Variants in CYFIP1 observed in about 807,000 individuals in gnomAD.
The protein encoded by CYFIP1 is cytoplasmic FMR1-interacting protein 1.
Under a neutral mutation model 163.5 loss-of-function variants are expected in CYFIP1, and 58 were observed. That is an observed-to-expected ratio of 0.35 (90% CI 0.29 to 0.44). The LOEUF (loss-of-function observed/expected upper bound fraction) is 0.44, where lower values mean the gene tolerates loss of function less well. CYFIP1 is among the 20% of genes least tolerant of loss of function. The pLI, the probability that CYFIP1 is intolerant of heterozygous loss-of-function variation, is 1.00. For synonymous variants in CYFIP1, 663 were observed against 660.7 expected, an observed-to-expected ratio of 1.00 and a Z score of -0.05; for missense variants, 1,338 against 1,653.8, an observed-to-expected ratio of 0.81 and a Z score of 3.31.
intron 1 of CYFIP1, 142 bp from the exon 2 acceptor site, chr15:22,947,433 C>G: frequency 1.7e-6 from 2 of 1,209,346 alleles, no homozygotes; most frequent in South Asian, 3.2e-5. Context: ...ATGATCAGTC[C>G]TTGGGAGTTG....
intron 1 of CYFIP1, among the ~76,000 whole-genome samples, chr15:22,979,254 G>T (rs968245719): frequency 2.0e-5 from 3 of 152,246 alleles, no homozygotes; most frequent in African/African-American, 4.8e-5. Context: ...CTGGCCACCC[G>T]CAGGGAAAAG....
rs142623074 is a variant in CYFIP1 at position 22,953,087 on chromosome 15, G to A, written c.-6-5796C>T. Among the ~76,000 whole-genome samples, 32 of 152,198 alleles carry A rather than the reference G, an allele frequency of 2.1e-4. 1 individual carries two copies. The highest frequency in any genetic ancestry group is 7.0e-4 in the African/African-American group (29 of 41,450). ...GCCCGCTTCCAAGGGCTCTCCGTCCGTGCATCTTCCATAGATGCGAATCTG... is the reference window on the plus strand; with the variant it reads ...GCCCGCTTCCAAGGGCTCTCCGTCCATGCATCTTCCATAGATGCGAATCTG... On this transcript the variant is annotated intron_variant, in intron 1 of 30. Coordinates refer to ENST00000617928, the MANE Select transcript of CYFIP1 (RefSeq NM_014608.6).
rs577286138 is a variant in CYFIP1, at chr15:22,911,736, A to T, written c.2082+443T>A. 2.6e-5 allele frequency among the ~76,000 whole-genome samples: 4 copies of T among 152,274 alleles called. No homozygotes were observed. In the South Asian group the frequency reaches 8.3e-4, roughly 32 times the overall value. On this transcript the variant is annotated intron_variant, in intron 18 of 30. Transcript: ENST00000617928. Reference sequence around the variant, plus strand: ...TGGTCTTTGTGAGAAGGCAGAGGAGATGATGTGTAGAATAAGGTTCATCTC... The same window carrying T: ...TGGTCTTTGTGAGAAGGCAGAGGAGTTGATGTGTAGAATAAGGTTCATCTC...
At chr15:22,964,349 T>TCACACA (rs1206406734) in intron 1 of CYFIP1, among the ~76,000 whole-genome samples, 453 of 39,480 alleles carry the variant, frequency 0.011, 1 homozygote, top group East Asian at 0.019. Context: ...CGCAACCTCA[T>TCACACA]CACTCACACA....
In CYFIP1 at chr15:22,872,915, C is replaced by T; in HGVS notation, c.3507G>A (p.Gly1169=). The T allele has an allele frequency of 6.2e-7, 1 of 1,614,118 alleles. No homozygotes were observed. Among genetic ancestry groups the T allele is most frequent in the Non-Finnish European group, 8.5e-7 (1 of 1,179,982 alleles). Residue 1169 remains glycine (G), a synonymous_variant, in exon 30 of 31, where the codon GGG becomes GGA. Coordinates refer to ENST00000617928, the MANE Select transcript of CYFIP1 (RefSeq NM_014608.6). ...CCAGCACAGCAAAACGCCGCTGCTG[C>T]CCAAGAAGTACGATGATCATACAGC... ...WAGCMIIVLL[G]QQRRFAVLDF... is the part of the protein sequence containing the mutation.
chr15:22,895,911 CT>C, intron 22 of CYFIP1, among the ~76,000 whole-genome samples: 1 of 152,338 alleles, frequency 6.6e-6, no homozygotes, highest in East Asian at 1.9e-4. Context: ...ACAGGGAAAG[CT>C]TTGCACATGG....
At chr15:22,903,651 G>C (rs2142013264) in intron 22 of CYFIP1, 55 bp downstream of exon 22, 1 of 1,581,304 alleles carries the variant, frequency 6.3e-7, no homozygotes, top group South Asian at 1.1e-5. Context: ...AGCCTGCGGG[G>C]ACATGGGTCC....
At chr15:22,942,926 TC>T (rs1023464984) in intron 6 of CYFIP1, among the ~76,000 whole-genome samples, 50 of 152,300 alleles carry the variant, frequency 3.3e-4, no homozygotes, top group Non-Finnish European at 2.2e-4. Context: ...CTCTGTGACA[TC>T]TGAGGACAGC....
chr15:22,937,693 G>A (rs993056451), intron 8 of CYFIP1, among the ~76,000 whole-genome samples: 1 of 150,160 alleles, frequency 6.7e-6, no homozygotes, highest in African/African-American at 2.4e-5. Flanking sequence ...CTGCCTCCCA[G>A]GTTCAAGCGA....
intron 1 of CYFIP1, chr15:22,951,298 T>C (rs1432924483): frequency 8.9e-7 from 1 of 1,124,744 alleles, no homozygotes; most frequent in Non-Finnish European, 1.1e-6. Context: ...AATCTACATG[T>C]AGCAGAAACT....
intron 1 of CYFIP1, among the ~76,000 whole-genome samples, chr15:22,979,187 C>A (rs1002637772): frequency 6.6e-6 from 1 of 152,112 alleles, no homozygotes; most frequent in Non-Finnish European, 1.5e-5. Flanking sequence ...CCACTCACAG[C>A]GTGACTCGTT....
intron 10 of CYFIP1, among the ~76,000 whole-genome samples, chr15:22,932,584 C>T (rs1465623413): frequency 6.6e-6 from 1 of 152,200 alleles, no homozygotes; most frequent in Non-Finnish European, 1.5e-5. Context: ...TGAGATGCAA[C>T]TTCGTTTGTC....
chr15:22,876,271 C>T (rs117029109), intron 26 of CYFIP1, among the ~76,000 whole-genome samples: 2,598 of 152,048 alleles, frequency 0.017, 34 homozygotes, highest in Non-Finnish European at 0.024. Flanking sequence ...CAGACTTTTC[C>T]GTACTCATCA....
At chr15:22,872,068 TC>T (rs1441109876) in intron 30 of CYFIP1, among the ~76,000 whole-genome samples, 1 of 152,012 alleles carries the variant, frequency 6.6e-6, no homozygotes, top group African/African-American at 2.4e-5. Flanking sequence ...TCACCTTATG[TC>T]AGGAGTTCAA....
intron 5 of CYFIP1, 56 bp from the exon 6 acceptor site, chr15:22,943,410 A>T: frequency 6.4e-7 from 1 of 1,563,380 alleles, no homozygotes; most frequent in Non-Finnish European, 8.7e-7. Context: ...AGCCAAGCCC[A>T]TGTCCCTCCT....
chr15:22,929,631 C>CA (rs35408380), intron 11 of CYFIP1, among the ~76,000 whole-genome samples: 17,988 of 42,330 alleles, frequency 0.42, 4,570 homozygotes, highest in East Asian at 0.52. Flanking sequence ...GACTCTGTCT[C>CA]AAAAAAAAAA....
chr15:22,941,014 C>T (rs1317624586), intron 6 of CYFIP1, among the ~76,000 whole-genome samples: 2 of 152,174 alleles, frequency 1.3e-5, no homozygotes, highest in East Asian at 3.9e-4. Context: ...CGCACTCCAG[C>T]CTGGGCCAGT....
intron 13 of CYFIP1, among the ~76,000 whole-genome samples, chr15:22,919,773 G>A (rs1354343126): frequency 2.0e-5 from 3 of 152,062 alleles, no homozygotes; most frequent in Non-Finnish European, 4.4e-5. Flanking sequence ...CCATAATCCT[G>A]GCACTTTGGG....
intron 22 of CYFIP1, among the ~76,000 whole-genome samples, chr15:22,897,524 C>G (rs1292513639): frequency 6.6e-6 from 1 of 151,498 alleles, no homozygotes; most frequent in Non-Finnish European, 1.5e-5. Flanking sequence ...GTCTCTGTCA[C>G]CCAGGCTGGA....
Sources: allele counts gnomAD v4.1 joint callset (sites outside exome capture counted in the v4.1 genomes callset), GRCh38; gene constraint gnomAD v4.1.1; transcripts MANE v1.5; gene names NCBI Gene and HGNC (gene_info 2026-07-23, HGNC 2026-07-21).